GNB1: variants seen among roughly 807,000 people sequenced by gnomAD.
GNB1 encodes guanine nucleotide-binding protein G(I)/G(S)/G(T) subunit beta-1.
Under a neutral mutation model 42.9 loss-of-function variants are expected in GNB1, and 2 were observed. The observed-to-expected ratio is 0.05, with a 90% confidence interval of 0.02 to 0.15. The LOEUF (loss-of-function observed/expected upper bound fraction) is 0.15, where lower values mean the gene tolerates loss of function less well. GNB1 is among the 10% of genes least tolerant of loss of function. The probability of loss-of-function intolerance (pLI) is 1.00; values close to 1 mark genes in which losing one functional copy is unlikely to be tolerated. For missense variants in GNB1, 193 were observed against 462.2 expected, an observed-to-expected ratio of 0.42 and a Z score of 5.34; for synonymous variants, 183 against 174.7, an observed-to-expected ratio of 1.05 and a Z score of -0.38.
At chr1:1,809,847 C>G (rs1195529982) in intron 5 of GNB1, among the ~76,000 whole-genome samples, 2 of 152,096 alleles carry the variant, frequency 1.3e-5, no homozygotes, top group Non-Finnish European at 2.9e-5. Context: ...TGCCACTCAC[C>G]TAGAACATAG....
Position 1,825,474 on chromosome 1 carries a change from C to CA in GNB1, c.-22dup. 1 of 1,570,240 alleles carries CA rather than the reference C, an allele frequency of 6.4e-7. No individual in the cohort carries two copies. The highest frequency in any genetic ancestry group is 8.8e-7 in the Non-Finnish European group (1 of 1,140,074). On this transcript the variant is annotated 5_prime_UTR_variant, in exon 3 of 12. Transcript: ENST00000378609. ...CTCATCTTCCGATCTTAGTGCTCTT[C>CA]AATGCCACCTTCAAGAATGTGAGAT...
intron 1 of GNB1, among the ~76,000 whole-genome samples, chr1:1,884,616 A>G (rs899934715): frequency 3.9e-5 from 6 of 152,172 alleles, no homozygotes; most frequent in Non-Finnish European, 2.9e-5. Flanking sequence ...GCACACAGAC[A>G]TGCATGGAGA....
intron 7 of GNB1, among the ~76,000 whole-genome samples, chr1:1,799,008 C>T (rs1169322875): frequency 6.6e-6 from 1 of 152,058 alleles, no homozygotes; most frequent in Non-Finnish European, 1.5e-5. Context: ...CAGGCTCCGC[C>T]CCCCGGGGTT....
At chr1:1,848,372 A>G (rs1274712024) in intron 1 of GNB1, among the ~76,000 whole-genome samples, 5 of 151,560 alleles carry the variant, frequency 3.3e-5, no homozygotes, top group African/African-American at 7.2e-5. Context: ...AAAAAAAAAA[A>G]AAGAAAAAGA....
intron 5 of GNB1, among the ~76,000 whole-genome samples, chr1:1,808,800 C>T (rs1194416374): frequency 1.3e-5 from 2 of 152,116 alleles, no homozygotes; most frequent in African/African-American, 4.8e-5. Flanking sequence ...CGTGCCACCA[C>T]ACCTGGCTAA....
chr1:1,812,524 C>T (rs1212987477), intron 5 of GNB1, among the ~76,000 whole-genome samples: 1 of 152,108 alleles, frequency 6.6e-6, no homozygotes, highest in Non-Finnish European at 1.5e-5. Context: ...CTCTAGAAGG[C>T]TCTGAAAAGC....
chr1:1,884,152 A>G (rs1650017572), intron 1 of GNB1, among the ~76,000 whole-genome samples: 1 of 145,108 alleles, frequency 6.9e-6, no homozygotes, highest in African/African-American at 2.6e-5. Flanking sequence ...TTTTTTTGAG[A>G]TGGAGTTTCC....
intron 1 of GNB1, among the ~76,000 whole-genome samples, chr1:1,845,831 A>G (rs1302946757): frequency 6.6e-5 from 3 of 45,556 alleles, no homozygotes; most frequent in Non-Finnish European, 1.7e-4. Context: ...CCATACACAC[A>G]CACACACACA....
chr1:1,815,896 C>A, intron 4 of GNB1, 34 bp from the exon 5 acceptor site: 1 of 1,283,604 alleles, frequency 7.8e-7, no homozygotes. Context: ...AAATCAACAT[C>A]TGTGATTAAA....
At chr1:1,800,753 T>TA (rs943269814) in intron 7 of GNB1, among the ~76,000 whole-genome samples, 4,449 of 115,122 alleles carry the variant, frequency 0.039, 85 homozygotes, top group African/African-American at 0.068. Flanking sequence ...TTTAGATTGT[T>TA]AAAAAAAAAA....
chr1:1,870,954 A>G (rs1169889427), intron 1 of GNB1, among the ~76,000 whole-genome samples: 3 of 152,084 alleles, frequency 2.0e-5, no homozygotes, highest in Non-Finnish European at 2.9e-5. Context: ...AATAAAATAA[A>G]AACAGAACTC....
intron 1 of GNB1, among the ~76,000 whole-genome samples, chr1:1,844,073 T>C (rs1470949552): frequency 6.6e-6 from 1 of 151,906 alleles, no homozygotes; most frequent in African/African-American, 2.4e-5. Flanking sequence ...CGGGTGCCTG[T>C]AGTCCCAGCT....
chr1:1,853,557 G>GA (rs2101550533), intron 1 of GNB1, among the ~76,000 whole-genome samples: 1 of 151,854 alleles, frequency 6.6e-6, no homozygotes, highest in South Asian at 2.1e-4. Flanking sequence ...CACCAAGCAA[G>GA]AAAAAAGACA....
chr1:1,851,739 GAATGTCT>G (rs1647993308), intron 1 of GNB1, among the ~76,000 whole-genome samples: 1 of 152,082 alleles, frequency 6.6e-6, no homozygotes, highest in Admixed American at 6.5e-5. Context: ...GCAGTAGACT[GAATGTCT>G]GTTAAACAGG....
chr1:1,811,574 T>TA (rs982233602), intron 5 of GNB1, among the ~76,000 whole-genome samples: 4 of 151,242 alleles, frequency 2.6e-5, no homozygotes, highest in Non-Finnish European at 5.9e-5. Context: ...CGGGTGCCTG[T>TA]AGTCCCAGCT....
At chr1:1,825,619 C>T in intron 2 of GNB1, 120 bp from the exon 3 acceptor site, 1 of 626,752 alleles carries the variant, frequency 1.6e-6, no homozygotes, top group Non-Finnish European at 2.9e-6. Flanking sequence ...AATCCCAGCA[C>T]TTTGGGAGGC....
chr1:1,864,439 T>G (rs1322826280), intron 1 of GNB1, among the ~76,000 whole-genome samples: 2 of 150,968 alleles, frequency 1.3e-5, no homozygotes, highest in Non-Finnish European at 2.9e-5. Flanking sequence ...TAGTACACAG[T>G]AGGTAGTTAA....
intron 2 of GNB1, among the ~76,000 whole-genome samples, chr1:1,836,229 C>G (rs1287911676): frequency 6.6e-6 from 1 of 152,096 alleles, no homozygotes; most frequent in African/African-American, 2.4e-5. Context: ...GTGGGTGTCA[C>G]AGCCATTCTA....
At chr1:1,825,534 C>T in intron 2 of GNB1, 35 bp from the exon 3 acceptor site, 1 of 1,035,766 alleles carries the variant, frequency 9.7e-7, no homozygotes, top group South Asian at 1.3e-5. Context: ...CAATAAACAA[C>T]TGTTGGATAA....
Sources: gnomAD v4.1 joint callset for allele counts (sites outside exome capture counted in the v4.1 genomes callset) on GRCh38, gnomAD v4.1.1 for gene constraint, MANE v1.5 for transcripts, NCBI Gene and HGNC (gene_info 2026-07-23, HGNC 2026-07-21) for gene names.